Variants in TSPAN1 observed in about 807,000 individuals in gnomAD.
The protein encoded by TSPAN1 is tetraspanin 1.
A neutral mutation model predicts 26.9 loss-of-function variants in TSPAN1; 23 were observed. The observed-to-expected ratio is 0.85, with a 90% CI of 0.62 to 1.21. The LOEUF (loss-of-function observed/expected upper bound fraction) is 1.21. Among genes scored for constraint, TSPAN1 ranks in the 50% most tolerant of loss-of-function variants. TSPAN1 has a pLI of 0.00. For missense variants in TSPAN1, 283 were observed against 298.4 expected, an observed-to-expected ratio of 0.95 and a Z score of 0.38; for synonymous variants, 115 against 114.8, an observed-to-expected ratio of 1.00 and a Z score of -0.01.
At chr1:46,189,017 G>A (rs1657530481), downstream of TSPAN1, 1 of 1,585,262 alleles carries the variant, frequency 6.3e-7, no homozygotes, top group Non-Finnish European at 8.6e-7. Context: ...AGGATGAGCT[G>A]CTAGGGATCG....
At chr1:46,186,388 G>C (rs1023929568), downstream of TSPAN1, among the ~76,000 whole-genome samples, 2 of 151,954 alleles carry the variant, frequency 1.3e-5, no homozygotes, top group Non-Finnish European at 2.9e-5. Context: ...CAAAACCCCA[G>C]ATCTGTCCCT....
chr1:46,179,361 C>T (rs1230876440), intron 1 of TSPAN1, among the ~76,000 whole-genome samples: 6 of 151,992 alleles, frequency 3.9e-5, no homozygotes, highest in Non-Finnish European at 8.8e-5. Flanking sequence ...AGCCCCACTG[C>T]CTGTGACTCT....
intron 3 of TSPAN1, among the ~76,000 whole-genome samples, chr1:46,181,844 G>A (rs1164659930): frequency 6.6e-6 from 1 of 152,174 alleles, no homozygotes; most frequent in Non-Finnish European, 1.5e-5. Flanking sequence ...AATTGCACTT[G>A]GTGGGGGAGT....
chr1:46,177,618 C>T (rs1274114445), intron 1 of TSPAN1, among the ~76,000 whole-genome samples: 1 of 152,096 alleles, frequency 6.6e-6, no homozygotes, highest in Non-Finnish European at 1.5e-5. Flanking sequence ...AAATAGACCA[C>T]CAAAAAGCAC....
chr1:46,189,621 G>T (rs931610366), downstream of TSPAN1: 20 of 1,573,946 alleles, frequency 1.3e-5, no homozygotes, highest in Non-Finnish European at 1.7e-5. Context: ...GTAGGGAGGG[G>T]TCACTGACGA....
At chr1:46,184,119 T>G (rs889111616) in intron 3 of TSPAN1, 72 bp from the exon 4 acceptor site, 1 of 1,517,188 alleles carries the variant, frequency 6.6e-7, no homozygotes, top group Non-Finnish European at 9.1e-7. Context: ...CTCCCATCCT[T>G]CTTACTCAGC....
At chr1:46,189,439 G>A (rs1407622693), downstream of TSPAN1, 1 of 1,613,354 alleles carries the variant, frequency 6.2e-7, no homozygotes, top group South Asian at 1.1e-5. Flanking sequence ...GTTTCCCAGG[G>A]CAGAAAAGGG....
chr1:46,194,677 A>G, the TSPAN1 span: 8 of 1,614,126 alleles, frequency 5.0e-6, no homozygotes, highest in South Asian at 8.8e-5. Flanking sequence ...AATGAGGGCC[A>G]TGGGGGCCCA....
At chr1:46,182,816 T>TTG (rs1049134615) in intron 3 of TSPAN1, among the ~76,000 whole-genome samples, 15 of 141,548 alleles carry the variant, frequency 1.1e-4, no homozygotes, top group African/African-American at 4.7e-4. Context: ...GTTGTTGTTG[T>TTG]TTGTTTCTTT....
the TSPAN1 span, chr1:46,194,737 C>T: frequency 1.2e-6 from 2 of 1,613,866 alleles, no homozygotes; most frequent in Admixed American, 1.7e-5. Context: ...TTTCATCCAA[C>T]CCACTGCCAC....
chr1:46,192,025 A>G, the TSPAN1 span: 6 of 1,524,594 alleles, frequency 3.9e-6, no homozygotes, highest in Non-Finnish European at 5.4e-6. Flanking sequence ...CAGAGCTAAG[A>G]TTGCTTCAGA....
the TSPAN1 span, chr1:46,195,841 C>A: frequency 2.5e-6 from 4 of 1,607,142 alleles, no homozygotes; most frequent in Non-Finnish European, 3.4e-6. Context: ...CTCGGCCGGG[C>A]GCTACCATGT....
chr1:46,193,078 G>GCTCTTT, the TSPAN1 span: 2 of 1,602,662 alleles, frequency 1.2e-6, no homozygotes, highest in South Asian at 2.2e-5. Flanking sequence ...GAAGGATGAG[G>GCTCTTT]CCCAGTGAGG....
chr1:46,184,377 A>C lies in TSPAN1; in HGVS notation c.244A>C (p.Ser82Arg). The C allele has an allele frequency of 6.2e-7, 1 of 1,614,122 alleles. No individual in the cohort carries two copies. ...FLGCYGAKTESKCALVTFFFI... is the reference protein window; with the variant it reads ...FLGCYGAKTERKCALVTFFFI... ...GGGCTGCTATGGTGCTAAGACTGAG[A>C]GCAAGTGTGCCCTCGTGACGGTGTG... Residue 82 changes from serine (S) to arginine (R), a missense_variant, in exon 4 of 9, where the codon AGC becomes CGC. Transcript: ENST00000372003.
At chr1:46,190,450 A>G, downstream of TSPAN1, 1 of 1,566,030 alleles carries the variant, frequency 6.4e-7, no homozygotes, top group Non-Finnish European at 8.8e-7. Context: ...TCCCTGCTAC[A>G]CCCCAATTGT....
Position 46,184,898 on chromosome 1 carries a change from G to C in TSPAN1, c.438+15G>C. 6.2e-7 allele frequency: 1 copy of C among 1,614,192 alleles called. No individual in the cohort carries two copies. The highest frequency in any genetic ancestry group is 8.5e-7 in the Non-Finnish European group (1 of 1,180,032). Reference sequence around the variant, plus strand: ...CCATGAAAGGGGTAAGGTTGGCTGGGGGAGGTTTTAGGGTGGAGAGAAAGA... The same window carrying C: ...CCATGAAAGGGGTAAGGTTGGCTGGCGGAGGTTTTAGGGTGGAGAGAAAGA... On this transcript the variant is annotated intron_variant, in intron 6 of 8. Coordinates refer to ENST00000372003, the MANE Select transcript of TSPAN1 (RefSeq NM_005727.4).
downstream of TSPAN1, among the ~76,000 whole-genome samples, chr1:46,187,834 G>A (rs1244788250): frequency 6.6e-6 from 1 of 152,202 alleles, no homozygotes; most frequent in African/African-American, 2.4e-5. Flanking sequence ...TACCACCCAT[G>A]CTGTCACCGA....
At chr1:46,176,370 C>A in intron 1 of TSPAN1, 1 of 1,535,756 alleles carries the variant, frequency 6.5e-7, no homozygotes, top group Non-Finnish European at 8.7e-7. Flanking sequence ...TACACTTGAA[C>A]ATCCTGGGAA....
downstream of TSPAN1, chr1:46,190,794 G>A (rs1557670329): frequency 1.2e-6 from 2 of 1,607,894 alleles, no homozygotes; most frequent in East Asian, 2.2e-5. Context: ...CCTGGAGTGG[G>A]TATGAGAGTG....
Sources: allele counts gnomAD v4.1 joint callset (sites outside exome capture counted in the v4.1 genomes callset), GRCh38; gene constraint gnomAD v4.1.1; transcripts MANE v1.5; gene names NCBI Gene and HGNC (gene_info 2026-07-23, HGNC 2026-07-21).